Variants in RNF169 observed in about 807,000 individuals in gnomAD.
RNF169 encodes the protein ring finger protein 169, also known as E3 ubiquitin-protein ligase RNF169.
Under a neutral mutation model 53.9 loss-of-function variants are expected in RNF169, and 24 were observed. That is an observed-to-expected ratio of 0.45 (90% CI 0.32 to 0.63). The LOEUF (loss-of-function observed/expected upper bound fraction) is 0.63, where lower values mean the gene tolerates loss of function less well. RNF169 is among the 20% of genes least tolerant of loss of function. The pLI, the probability that RNF169 is intolerant of heterozygous loss-of-function variation, is 0.04. For synonymous variants in RNF169, 396 were observed against 363.5 expected (o/e 1.09, Z -1.02); for missense variants, 883 against 906.2 (o/e 0.97, Z 0.33).
In RNF169 at chr11:74,766,197, T is replaced by C. The variant is rs146348162; in HGVS notation, c.502+16815T>C. Among the ~76,000 whole-genome samples, 724 of 152,202 alleles carry C rather than the reference T, an allele frequency of 4.8e-3. 11 individuals are homozygous for C. The highest frequency in any genetic ancestry group is 0.017 in the African/African-American group (691 of 41,522). ...ACATGGCAGCTGACTCAAGAATAAATAGAAAGTATGACTAGAAATGTAACT... is the reference window on the plus strand; with the variant it reads ...ACATGGCAGCTGACTCAAGAATAAACAGAAAGTATGACTAGAAATGTAACT... On this transcript the variant is annotated intron_variant, in intron 1 of 5. Coordinates refer to ENST00000299563, the MANE Select transcript of RNF169 (RefSeq NM_001098638.2).
At chr11:74,800,189 G>A (rs1426292576) in intron 2 of RNF169, among the ~76,000 whole-genome samples, 1 of 151,832 alleles carries the variant, frequency 6.6e-6, no homozygotes, top group African/African-American at 2.4e-5. Context: ...AGCCAAATTT[G>A]TTTAAAAACT....
At chr11:74,812,878 G>A (rs568880524) in intron 3 of RNF169, among the ~76,000 whole-genome samples, 2 of 152,236 alleles carry the variant, frequency 1.3e-5, no homozygotes, top group South Asian at 2.1e-4. Flanking sequence ...TAGGCCCTCA[G>A]TGTGATTCTA....
chr11:74,756,280 C>G (rs2034981736), intron 1 of RNF169, among the ~76,000 whole-genome samples: 1 of 152,048 alleles, frequency 6.6e-6, no homozygotes, highest in African/African-American at 2.4e-5. Flanking sequence ...AGCTGTTATG[C>G]AAGATATAAT....
intron 5 of RNF169, among the ~76,000 whole-genome samples, chr11:74,834,989 CT>C (rs1006603990): frequency 2.0e-5 from 3 of 150,944 alleles, no homozygotes; most frequent in Non-Finnish European, 3.0e-5. Flanking sequence ...ATCCCCCCTT[CT>C]TTTTTTTTAA....
In RNF169 at chr11:74,749,343, A is replaced by C; in HGVS notation, c.463A>C (p.Arg155=). The stretch of plus-strand genomic sequence containing the variant: ...CGGGGGCGCGGCTGCCGCGGGGCCC[A>C]GGCCAGAGCAGGAGCCGCGTGCCGC... ...RDGGAAAAGP[R]PEQEPRAAPA... Residue 155 remains arginine, a synonymous_variant, in exon 1 of 6, where the codon AGG becomes CGG. Coordinates refer to ENST00000299563, the MANE Select transcript of RNF169 (RefSeq NM_001098638.2). The C allele has an allele frequency of 7.4e-6, 9 of 1,218,322 alleles. No homozygotes were observed. Among genetic ancestry groups the C allele is most frequent in the Non-Finnish European group, 9.2e-6 (9 of 977,870 alleles). The allele number at this position is 1,218,322 out of a possible 1,614,324, so 75.5% of individuals were successfully genotyped here. A position where few individuals can be genotyped will look rare whatever the true frequency, so the allele number is the denominator to read the frequency against.
At chr11:74,827,221 C>A (rs1245754526) in intron 4 of RNF169, among the ~76,000 whole-genome samples, 1 of 152,194 alleles carries the variant, frequency 6.6e-6, no homozygotes, top group Non-Finnish European at 1.5e-5. Flanking sequence ...TGTAAGCCAC[C>A]AAGGCTTGGG....
chr11:74,767,148 G>A (rs1036108470), intron 1 of RNF169, among the ~76,000 whole-genome samples: 5 of 152,012 alleles, frequency 3.3e-5, no homozygotes, highest in African/African-American at 1.2e-4. Context: ...CATGAACACA[G>A]ATTTTTAAAA....
chr11:74,827,076 AG>A (rs2036109402), intron 4 of RNF169, among the ~76,000 whole-genome samples: 1 of 152,176 alleles, frequency 6.6e-6, no homozygotes, highest in African/African-American at 2.4e-5. Context: ...GCCCTAGCAG[AG>A]GTGCTCCAGG....
At chr11:74,806,464 T>G (rs1326176870) in intron 2 of RNF169, among the ~76,000 whole-genome samples, 2 of 152,288 alleles carry the variant, frequency 1.3e-5, no homozygotes, top group African/African-American at 4.8e-5. Flanking sequence ...TAAGATACAC[T>G]CCAGAGAACA....
intron 2 of RNF169, chr11:74,807,911 A>T (rs1008044907): frequency 6.6e-6 from 1 of 152,234 alleles, no homozygotes; most frequent in Non-Finnish European, 1.5e-5. Context: ...TATTGAGAAA[A>T]CACCAACATG....
intron 1 of RNF169, among the ~76,000 whole-genome samples, chr11:74,778,451 T>C (rs2035368189): frequency 6.6e-6 from 1 of 152,202 alleles, no homozygotes; most frequent in Non-Finnish European, 1.5e-5. Context: ...TAATGGTTTT[T>C]CTTGTTTGAG....
At chr11:74,794,284 AGT>A (rs2035617231) in intron 2 of RNF169, among the ~76,000 whole-genome samples, 1 of 152,208 alleles carries the variant, frequency 6.6e-6, no homozygotes, top group South Asian at 2.1e-4. Flanking sequence ...TTTTGTCAGA[AGT>A]GTGATGGAGA....
chr11:74,777,599 GACTCT>G (rs2035355211), intron 1 of RNF169, among the ~76,000 whole-genome samples: 8 of 151,710 alleles, frequency 5.3e-5, no homozygotes, highest in Admixed American at 5.3e-4. Context: ...TATTCACTTT[GACTCT>G]ACTCTTATAC....
Position 74,767,767 on chromosome 11 carries a change from C to T in RNF169, c.502+18385C>T, listed in dbSNP as rs539895322. Among the ~76,000 whole-genome samples, 17 of 151,438 alleles carry T rather than the reference C, an allele frequency of 1.1e-4. No homozygotes were observed. In the South Asian group the frequency reaches 1.9e-3, roughly 17 times the overall value. On this transcript the variant is annotated intron_variant, in intron 1 of 5. Transcript: ENST00000299563. ...TGTATTTTTTTTTTTTTAGTAGAGA[C>T]GGGGTTTCACCGTGTTAGCCAGGAT...
Position 74,834,780 on chromosome 11 carries a change from A to G in RNF169, c.942+5A>G. The G allele has an allele frequency of 6.2e-7, 1 of 1,609,304 alleles. No individual in the cohort carries two copies. The highest frequency in any genetic ancestry group is 8.5e-7 in the Non-Finnish European group (1 of 1,176,390). Reference sequence around the variant, plus strand: ...GTTCCAGGCAACAAAGCCAAGGTACACCTCAGCCACAGACCTCCGGGGCTT... The same window carrying G: ...GTTCCAGGCAACAAAGCCAAGGTACGCCTCAGCCACAGACCTCCGGGGCTT... On this transcript the variant is annotated splice_donor_5th_base_variant and intron_variant, in intron 5 of 5. Transcript: ENST00000299563.
rs539216014 is a variant in RNF169 at position 74,813,838 on chromosome 11, G to A, written c.723+3508G>A. ...CCTGTGTAGCTGGGACTACAGGCAC[G>A]TGCCACCACGCCCAGTTAATCTTTT... On this transcript the variant is annotated intron_variant, in intron 3 of 5. Transcript: ENST00000299563. Among the ~76,000 whole-genome samples the A allele has an allele frequency of 2.1e-4, 32 of 152,082 alleles. No individual in the cohort carries two copies. In the East Asian group the frequency reaches 4.9e-3, roughly 23 times the overall value.
At chr11:74,819,925 C>G (rs2035987370) in intron 4 of RNF169, among the ~76,000 whole-genome samples, 2 of 152,182 alleles carry the variant, frequency 1.3e-5, no homozygotes, top group Middle Eastern at 3.4e-3. Context: ...AAGCCTGAGT[C>G]TCTGGTGGAT....
intron 1 of RNF169, among the ~76,000 whole-genome samples, chr11:74,755,553 C>A (rs2034968973): frequency 6.6e-6 from 1 of 152,218 alleles, no homozygotes; most frequent in South Asian, 2.1e-4. Context: ...TAAGACTCCA[C>A]AGTGTGGTTG....
intron 1 of RNF169, among the ~76,000 whole-genome samples, chr11:74,767,681 TGCCTCA>T (rs1053306526): frequency 7.9e-5 from 12 of 152,064 alleles, no homozygotes; most frequent in African/African-American, 2.7e-4. Flanking sequence ...GCCATTCTCC[TGCCTCA>T]GCCTCCCGAA....
Sources: allele counts gnomAD v4.1 joint callset (sites outside exome capture counted in the v4.1 genomes callset), GRCh38; gene constraint gnomAD v4.1.1; transcripts MANE v1.5; gene names NCBI Gene and HGNC (gene_info 2026-07-23, HGNC 2026-07-21).